Variants in SPIRE1 observed in about 807,000 individuals in gnomAD.
SPIRE1 encodes spire type actin nucleation factor 1, also known as protein spire homolog 1.
SPIRE1 carries 40 observed loss-of-function variants against 94.1 expected under a neutral mutation model. The observed-to-expected ratio is 0.43, with a 90% CI of 0.33 to 0.55. The LOEUF (loss-of-function observed/expected upper bound fraction) is 0.55, where lower values mean the gene tolerates loss of function less well. Ranked by LOEUF, SPIRE1 falls within the 20% of genes least tolerant of loss-of-function variation. The probability of loss-of-function intolerance (pLI) is 0.06; values close to 1 mark genes in which losing one functional copy is unlikely to be tolerated. For synonymous variants in SPIRE1, 376 were observed against 371.7 expected, an observed-to-expected ratio of 1.01 and a Z score of -0.13; for missense variants, 838 against 975.2, an observed-to-expected ratio of 0.86 and a Z score of 1.87.
intron 1 of SPIRE1, chr18:12,653,162 G>C (rs960717046): frequency 1.3e-5 from 2 of 152,194 alleles, no homozygotes; most frequent in Non-Finnish European, 2.9e-5. Context: ...GGGGCCTACT[G>C]GCATCCAGTG....
At chr18:12,509,226 C>T (rs1038306454) in intron 5 of SPIRE1, among the ~76,000 whole-genome samples, 23 of 152,192 alleles carry the variant, frequency 1.5e-4, no homozygotes, top group African/African-American at 5.1e-4. Flanking sequence ...GGGTAATTCA[C>T]TTAGTGGTCT....
At chr18:12,480,755 G>A (rs1015448998) in intron 9 of SPIRE1, among the ~76,000 whole-genome samples, 6 of 152,156 alleles carry the variant, frequency 3.9e-5, no homozygotes, top group African/African-American at 1.4e-4. Flanking sequence ...TGGTACCATA[G>A]CCTGGAATCC....
intron 8 of SPIRE1, 71 bp downstream of exon 8, chr18:12,493,001 G>C: frequency 1.3e-6 from 2 of 1,486,216 alleles, no homozygotes; most frequent in Non-Finnish European, 1.8e-6. Flanking sequence ...TTACTTTCAT[G>C]GGGCTGGGTG....
At chr18:12,617,301 G>A (rs868748643) in intron 2 of SPIRE1, among the ~76,000 whole-genome samples, 9 of 149,952 alleles carry the variant, frequency 6.0e-5, no homozygotes, top group Non-Finnish European at 1.0e-4. Flanking sequence ...TGCAACCTCC[G>A]CCTCCTGGGT....
intron 3 of SPIRE1, among the ~76,000 whole-genome samples, chr18:12,545,541 T>C (rs2035137395): frequency 6.6e-6 from 1 of 152,196 alleles, no homozygotes; most frequent in Non-Finnish European, 1.5e-5. Flanking sequence ...ATATCATATA[T>C]AAATAACTGA....
At chr18:12,526,491 A>G (rs1443943639) in intron 4 of SPIRE1, among the ~76,000 whole-genome samples, 1 of 152,034 alleles carries the variant, frequency 6.6e-6, no homozygotes, top group Non-Finnish European at 1.5e-5. Flanking sequence ...TACTCTCTTG[A>G]GTTCTGTGAA....
intron 2 of SPIRE1, among the ~76,000 whole-genome samples, chr18:12,589,661 CA>C (rs1333447217): frequency 1.3e-5 from 2 of 152,050 alleles, no homozygotes; most frequent in Admixed American, 6.6e-5. Flanking sequence ...AAAAAACAAA[CA>C]AAAAAGCCCA....
chr18:12,595,710 C>G (rs563784511), intron 2 of SPIRE1, among the ~76,000 whole-genome samples: 27 of 152,324 alleles, frequency 1.8e-4, no homozygotes, highest in African/African-American at 6.3e-4. Flanking sequence ...TCCTTGCCCT[C>G]AAAGGGCTCA....
At chr18:12,651,781 C>T (rs1297055394) in intron 1 of SPIRE1, among the ~76,000 whole-genome samples, 1 of 152,188 alleles carries the variant, frequency 6.6e-6, no homozygotes, top group Non-Finnish European at 1.5e-5. Context: ...TCTTCCCCTC[C>T]AAATTAGCAT....
chr18:12,653,172 G>T (rs2038430287), intron 1 of SPIRE1: 1 of 152,208 alleles, frequency 6.6e-6, no homozygotes, highest in Non-Finnish European at 1.5e-5. Context: ...GGCATCCAGT[G>T]TTAGAGATCA....
At chr18:12,454,215 T>C in intron 13 of SPIRE1, 131 bp downstream of exon 13, 1 of 1,038,756 alleles carries the variant, frequency 9.6e-7, no homozygotes, top group South Asian at 1.5e-5. Flanking sequence ...TCTACTAGGA[T>C]ATGAACATCA....
At chr18:12,497,830 T>A (rs2033514053) in intron 6 of SPIRE1, among the ~76,000 whole-genome samples, 1 of 152,260 alleles carries the variant, frequency 6.6e-6, no homozygotes, top group Admixed American at 6.5e-5. Context: ...TTCTGGCTAA[T>A]TTTCACATGC....
intron 2 of SPIRE1, among the ~76,000 whole-genome samples, chr18:12,611,968 C>G (rs1598529270): frequency 6.6e-6 from 1 of 152,088 alleles, no homozygotes; most frequent in Non-Finnish European, 1.5e-5. Flanking sequence ...GCCACTGTGC[C>G]CAGCTTAATT....
chr18:12,476,490 G>A (rs1344929843), intron 10 of SPIRE1, among the ~76,000 whole-genome samples: 1 of 138,906 alleles, frequency 7.2e-6, no homozygotes, highest in Non-Finnish European at 1.5e-5. Flanking sequence ...GCAGTGAGCA[G>A]AGATTGGGCC....
chr18:12,656,645 A>T (rs2038545845), intron 1 of SPIRE1: 1 of 919,600 alleles, frequency 1.1e-6, no homozygotes, highest in African/African-American at 1.8e-5. Context: ...TTTTTAATAG[A>T]CTTGCCTCTC....
At chr18:12,650,940 A>T (rs184638793) in intron 1 of SPIRE1, among the ~76,000 whole-genome samples, 2 of 152,136 alleles carry the variant, frequency 1.3e-5, no homozygotes, top group African/African-American at 4.8e-5. Flanking sequence ...TTAATTTTGC[A>T]AATGAACATC....
rs2033841032 is a variant in SPIRE1 at position 12,506,552 on chromosome 18, A to C, written c.897T>G (p.Ile299Met). ...VQERQYNPLP[I>M]EYQLTPYEML... ...TCTCATAAGGGGTGAGCTGATATTCAATGGGCAAAGGGTTGTACTGCCGCT... is the reference window on the plus strand; with the variant it reads ...TCTCATAAGGGGTGAGCTGATATTCCATGGGCAAAGGGTTGTACTGCCGCT... The change falls in exon 6 of 17, where the codon ATT (isoleucine) becomes ATG (methionine). Residue 299 changes from isoleucine (I) to methionine (M), a missense_variant. Coordinates refer to ENST00000409402, the MANE Select transcript of SPIRE1 (RefSeq NM_001128626.2). 1 of 1,614,040 alleles carries C rather than the reference A, an allele frequency of 6.2e-7. No homozygotes were observed. The highest frequency in any genetic ancestry group is 8.5e-7 in the Non-Finnish European group (1 of 1,179,954).
At chr18:12,556,607 G>A (rs551108946) in intron 2 of SPIRE1, among the ~76,000 whole-genome samples, 6 of 152,156 alleles carry the variant, frequency 3.9e-5, no homozygotes, top group African/African-American at 1.2e-4. Flanking sequence ...CTTCAGGAGT[G>A]AAGCTGCAGA....
intron 9 of SPIRE1, among the ~76,000 whole-genome samples, chr18:12,484,959 T>C (rs2032979285): frequency 1.3e-5 from 2 of 152,196 alleles, no homozygotes; most frequent in East Asian, 1.9e-4. Context: ...AGTTTTAATT[T>C]ATAAAGGGTT....
Sources: allele counts gnomAD v4.1 joint callset (sites outside exome capture counted in the v4.1 genomes callset), GRCh38; gene constraint gnomAD v4.1.1; transcripts MANE v1.5; gene names NCBI Gene and HGNC (gene_info 2026-07-23, HGNC 2026-07-21).